NCKAP5: variants seen among roughly 807,000 people sequenced by gnomAD.
NCKAP5 encodes the protein nck-associated protein 5.
A neutral mutation model predicts 167.0 loss-of-function variants in NCKAP5; 92 were observed. The ratio of observed to expected loss-of-function variants is 0.55; its 90% CI spans 0.47 to 0.66. The LOEUF is 0.66. Ranked by LOEUF, NCKAP5 falls within the 30% of genes least tolerant of loss-of-function variation. The pLI is 0.00. For missense variants in NCKAP5, 2,378 were observed against 2,315.0 expected (o/e 1.03, Z -0.56); for synonymous variants, 891 against 877.4 (o/e 1.02, Z -0.27).
chr2:133,444,370 AGATAG>A (rs1226830746), intron 3 of NCKAP5, among the ~76,000 whole-genome samples: 3 of 148,830 alleles, frequency 2.0e-5, no homozygotes, highest in Non-Finnish European at 4.4e-5. Flanking sequence ...ATAGATAGAT[AGATAG>A]ATAGATAGAT....
At chr2:133,420,306 A>G (rs1332444644) in intron 3 of NCKAP5, among the ~76,000 whole-genome samples, 1 of 152,274 alleles carries the variant, frequency 6.6e-6, no homozygotes, top group East Asian at 1.9e-4. Context: ...TGTATACTAC[A>G]GCATGGAGAA....
chr2:133,510,901 A>G (rs537962254), intron 3 of NCKAP5, among the ~76,000 whole-genome samples: 125 of 152,354 alleles, frequency 8.2e-4, no homozygotes, highest in African/African-American at 2.9e-3. Context: ...AGGGGTAATT[A>G]GAGTTCCTAC....
chr2:133,450,745 T>C lies in NCKAP5; in HGVS notation c.69+66713A>G, dbSNP rs150393314. ...AAGGCCACAAAAGAGGCACGTACTA[T>C]GCCACAAAAACCTTCTGGTTGACAT... On this transcript the variant is annotated intron_variant, in intron 3 of 19. Transcript: ENST00000409261. 3.3e-5 allele frequency among the ~76,000 whole-genome samples: 5 copies of C among 152,282 alleles called. No homozygotes were observed. The East Asian group carries it at 7.7e-4, about 24-fold the overall frequency.
chr2:133,481,174 C>T (rs779504161), intron 3 of NCKAP5, among the ~76,000 whole-genome samples: 12 of 152,142 alleles, frequency 7.9e-5, no homozygotes, highest in Admixed American at 2.6e-4. Flanking sequence ...TATTATTAAA[C>T]GGCTCTTGAA....
intron 11 of NCKAP5, among the ~76,000 whole-genome samples, chr2:132,835,379 C>T (rs1446471719): frequency 2.0e-5 from 3 of 152,058 alleles, no homozygotes; most frequent in Non-Finnish European, 4.4e-5. Flanking sequence ...TGATCTTTGC[C>T]CTCTCAGCGT....
intron 2 of NCKAP5, among the ~76,000 whole-genome samples, chr2:133,536,391 G>C (rs1685771397): frequency 2.6e-5 from 4 of 151,856 alleles, no homozygotes; most frequent in Admixed American, 2.6e-4. Context: ...TATATATTAG[G>C]GTGTCATTTC....
chr2:133,651,258 G>A, the NCKAP5 span, among the ~76,000 whole-genome samples: 2 of 152,130 alleles, frequency 1.3e-5, no homozygotes, highest in African/African-American at 4.8e-5. Context: ...TTGGAAAAGG[G>A]GTTAATCTCC....
intron 6 of NCKAP5, among the ~76,000 whole-genome samples, chr2:133,109,058 C>A (rs1224814471): frequency 6.6e-6 from 1 of 152,154 alleles, no homozygotes; most frequent in African/African-American, 2.4e-5. Flanking sequence ...CATTCCCTCT[C>A]GGGCTAATTT....
chr2:133,159,844 C>G (rs1286502552), intron 5 of NCKAP5, among the ~76,000 whole-genome samples: 1 of 151,940 alleles, frequency 6.6e-6, no homozygotes, highest in Non-Finnish European at 1.5e-5. Flanking sequence ...CAAATATAGT[C>G]CAATAGTACA....
At chr2:133,371,665 CT>C (rs1447143421) in intron 3 of NCKAP5, among the ~76,000 whole-genome samples, 3 of 152,218 alleles carry the variant, frequency 2.0e-5, no homozygotes, top group South Asian at 4.1e-4. Flanking sequence ...TGTACATCCT[CT>C]GTTTTGTTAC....
At chr2:133,669,046 C>T in the NCKAP5 span, among the ~76,000 whole-genome samples, 3 of 152,140 alleles carry the variant, frequency 2.0e-5, no homozygotes, top group Non-Finnish European at 4.4e-5. Context: ...CCAGTAGTTG[C>T]TAGGCTGGTT....
At chr2:133,650,591 G>A in the NCKAP5 span, among the ~76,000 whole-genome samples, 1 of 152,214 alleles carries the variant, frequency 6.6e-6, no homozygotes, top group South Asian at 2.1e-4. Flanking sequence ...AAGGTTCCAG[G>A]AGGCTGAGTG....
chr2:132,707,064 G>T (rs1688429304), intron 19 of NCKAP5, among the ~76,000 whole-genome samples: 1 of 152,162 alleles, frequency 6.6e-6, no homozygotes, highest in African/African-American at 2.4e-5. Flanking sequence ...TAAAAATCAG[G>T]TGAGCAATCA....
chr2:133,341,036 C>T (rs1281507388), intron 3 of NCKAP5, among the ~76,000 whole-genome samples: 1 of 152,130 alleles, frequency 6.6e-6, no homozygotes, highest in Non-Finnish European at 1.5e-5. Flanking sequence ...ATAATATTTA[C>T]CTATGACATT....
chr2:133,653,116 T>C, the NCKAP5 span, among the ~76,000 whole-genome samples: 37 of 152,364 alleles, frequency 2.4e-4, no homozygotes, highest in East Asian at 3.5e-3. Context: ...CCTGAGGATC[T>C]GCCTGCAACT....
intron 5 of NCKAP5, among the ~76,000 whole-genome samples, chr2:133,145,968 C>A (rs1175672626): frequency 6.6e-6 from 1 of 152,116 alleles, no homozygotes; most frequent in African/African-American, 2.4e-5. Context: ...GCCATTGAAT[C>A]TTAAGCTTTC....
At chr2:133,380,887 A>G (rs1008871644) in intron 3 of NCKAP5, among the ~76,000 whole-genome samples, 1 of 152,212 alleles carries the variant, frequency 6.6e-6, no homozygotes, top group African/African-American at 2.4e-5. Context: ...TTTTCATCAG[A>G]TTGTCCATTT....
chr2:132,889,219 G>T (rs1692485923), intron 8 of NCKAP5, among the ~76,000 whole-genome samples: 1 of 152,156 alleles, frequency 6.6e-6, no homozygotes, highest in Non-Finnish European at 1.5e-5. Context: ...GATTGGAGAT[G>T]AACTATCCAG....
intron 6 of NCKAP5, among the ~76,000 whole-genome samples, chr2:133,113,863 C>T (rs1559152039): frequency 6.6e-6 from 1 of 152,142 alleles, no homozygotes; most frequent in Non-Finnish European, 1.5e-5. Flanking sequence ...GGGAGCCAAC[C>T]AAACCACTGG....
Sources: allele counts gnomAD v4.1 joint callset (sites outside exome capture counted in the v4.1 genomes callset), GRCh38; gene constraint gnomAD v4.1.1; transcripts MANE v1.5; gene names NCBI Gene and HGNC (gene_info 2026-07-23, HGNC 2026-07-21).